TEAD1: variants seen among roughly 807,000 people sequenced by gnomAD.
The protein encoded by TEAD1 is TEA domain transcription factor 1.
In TEAD1, 9 loss-of-function variants were observed where a neutral mutation model predicts 54.9. That is an observed-to-expected ratio of 0.16 (90% CI 0.10 to 0.29). The LOEUF (loss-of-function observed/expected upper bound fraction) is 0.29. Ranked by LOEUF, TEAD1 falls within the 10% of genes least tolerant of loss-of-function variation. The pLI is 1.00. For missense variants in TEAD1, 387 were observed against 535.9 expected (o/e 0.72, Z 2.74); for synonymous variants, 200 against 187.8 (o/e 1.07, Z -0.53).
chr11:12,713,390 A>AAT (rs1180684018), intron 2 of TEAD1, among the ~76,000 whole-genome samples: 1 of 152,226 alleles, frequency 6.6e-6, no homozygotes, highest in Non-Finnish European at 1.5e-5. Flanking sequence ...AGATTTATTT[A>AAT]ATATGCTGCA....
intron 3 of TEAD1, among the ~76,000 whole-genome samples, chr11:12,853,791 A>G (rs1947319659): frequency 6.6e-6 from 1 of 152,178 alleles, no homozygotes; most frequent in African/African-American, 2.4e-5. Context: ...GTCACATGAT[A>G]ATGTTATCAG....
At chr11:12,717,862 A>T (rs753703981) in intron 2 of TEAD1, among the ~76,000 whole-genome samples, 1 of 152,208 alleles carries the variant, frequency 6.6e-6, no homozygotes, top group Non-Finnish European at 1.5e-5. Context: ...CCTTTGGGCA[A>T]ATTACTTCAC....
chr11:12,770,944 A>T (rs1378251951), intron 3 of TEAD1, among the ~76,000 whole-genome samples: 2 of 152,230 alleles, frequency 1.3e-5, no homozygotes, highest in Non-Finnish European at 2.9e-5. Context: ...ATTATAGATT[A>T]TTTTGGATTT....
At chr11:12,691,775 A>T (rs947840066) in intron 2 of TEAD1, among the ~76,000 whole-genome samples, 1 of 152,198 alleles carries the variant, frequency 6.6e-6, no homozygotes, top group Non-Finnish European at 1.5e-5. Context: ...TAACCAGGAC[A>T]TGAGAGATTC....
chr11:12,864,991 C>T, intron 5 of TEAD1, 91 bp downstream of exon 5: 1 of 1,422,206 alleles, frequency 7.0e-7, no homozygotes, highest in Non-Finnish European at 9.9e-7. Context: ...TGCTGGGATT[C>T]TCGTAACCTA....
chr11:12,899,850 G>T (rs1440051882), intron 9 of TEAD1, among the ~76,000 whole-genome samples: 1 of 152,164 alleles, frequency 6.6e-6, no homozygotes, highest in Non-Finnish European at 1.5e-5. Context: ...CTCTCCAAAA[G>T]ATACTGGCCT....
chr11:12,744,480 CTG>C (rs1944707628), intron 2 of TEAD1, among the ~76,000 whole-genome samples: 1 of 152,152 alleles, frequency 6.6e-6, no homozygotes, highest in African/African-American at 2.4e-5. Context: ...CTATTTCTGA[CTG>C]TGAAATGTTA....
At chr11:12,890,691 G>C (rs1447737119) in intron 9 of TEAD1, among the ~76,000 whole-genome samples, 1 of 152,202 alleles carries the variant, frequency 6.6e-6, no homozygotes, top group Non-Finnish European at 1.5e-5. Flanking sequence ...CAGAGCTCTG[G>C]ACAGGGATCA....
At chr11:12,703,787 G>A (rs1475931442) in intron 2 of TEAD1, among the ~76,000 whole-genome samples, 1 of 152,182 alleles carries the variant, frequency 6.6e-6, no homozygotes, top group Non-Finnish European at 1.5e-5. Flanking sequence ...TGCCCAGCAT[G>A]AATTGACCTG....
intron 9 of TEAD1, among the ~76,000 whole-genome samples, chr11:12,890,966 T>G (rs1433702703): frequency 6.6e-6 from 1 of 152,096 alleles, no homozygotes. Flanking sequence ...GGTTTTGTCA[T>G]GTTGGCCAGG....
At position 12,879,742 on chromosome 11, in the gene TEAD1, TGGC is replaced by T; in HGVS notation, c.369_371del (p.Ala124del). The T allele has an allele frequency of 1.2e-6, 2 of 1,614,240 alleles. No homozygotes were observed. Among genetic ancestry groups the T allele is most frequent in the Non-Finnish European group, 1.7e-6 (2 of 1,180,048 alleles). On this transcript the variant is annotated inframe_deletion, in exon 6 of 13. Transcript: ENST00000527636. The stretch of plus-strand genomic sequence containing the variant: ...GCAAAGGATAAGGCCCTGCAGCACA[TGGC>T]GGCCATGTCCTCAGCCCAGATCGTC...
intron 3 of TEAD1, among the ~76,000 whole-genome samples, chr11:12,805,583 T>C (rs1946152280): frequency 1.3e-5 from 2 of 152,168 alleles, no homozygotes; most frequent in Admixed American, 1.3e-4. Context: ...CCATATTGAG[T>C]TTGCCCTTTT....
At chr11:12,931,798 T>G (rs1222487559) in intron 12 of TEAD1, among the ~76,000 whole-genome samples, 2 of 152,202 alleles carry the variant, frequency 1.3e-5, no homozygotes, top group Non-Finnish European at 2.9e-5. Flanking sequence ...TAAGTAACAT[T>G]TAAAAATAAA....
At chr11:12,861,206 G>C (rs758457937) in intron 3 of TEAD1, among the ~76,000 whole-genome samples, 1 of 152,172 alleles carries the variant, frequency 6.6e-6, no homozygotes, top group Non-Finnish European at 1.5e-5. Context: ...TTTATTTCAC[G>C]TGGTATTTTG....
chr11:12,783,854 C>CG (rs776043902), intron 3 of TEAD1, among the ~76,000 whole-genome samples: 3 of 152,020 alleles, frequency 2.0e-5, no homozygotes, highest in Non-Finnish European at 4.4e-5. Flanking sequence ...TGAGAGGTTA[C>CG]GGGAGTGAAG....
chr11:12,837,736 C>T (rs1369952851), intron 3 of TEAD1, among the ~76,000 whole-genome samples: 1 of 139,914 alleles, frequency 7.1e-6, no homozygotes, highest in Non-Finnish European at 1.5e-5. Flanking sequence ...TCTTCTCCTC[C>T]TCCTTCTTCT....
intron 3 of TEAD1, among the ~76,000 whole-genome samples, chr11:12,830,773 T>C (rs1048228267): frequency 4.4e-5 from 6 of 137,238 alleles, no homozygotes; most frequent in African/African-American, 1.7e-4. Flanking sequence ...CACACGCACA[T>C]GCACATGCAC....
At chr11:12,793,062 T>TA (rs11398191) in intron 3 of TEAD1, among the ~76,000 whole-genome samples, 2,916 of 152,036 alleles carry the variant, frequency 0.019, 104 homozygotes, top group African/African-American at 0.065. Flanking sequence ...CTTGTCTCTT[T>TA]AAAAAAACAA....
At chr11:12,785,351 A>T (rs1945655959) in intron 3 of TEAD1, among the ~76,000 whole-genome samples, 1 of 152,188 alleles carries the variant, frequency 6.6e-6, no homozygotes, top group African/African-American at 2.4e-5. Context: ...GAGTTGGCCC[A>T]GCTTGGTTGC....
Sources: allele counts gnomAD v4.1 joint callset (sites outside exome capture counted in the v4.1 genomes callset), GRCh38; gene constraint gnomAD v4.1.1; transcripts MANE v1.5; gene names NCBI Gene and HGNC (gene_info 2026-07-23, HGNC 2026-07-21).